The following PROM1 variants were observed in gnomAD, a reference collection of about 807,000 sequenced individuals.
The protein encoded by PROM1 is prominin-1.
In PROM1, 105 loss-of-function variants were observed where a neutral mutation model predicts 116.9. The ratio of observed to expected loss-of-function variants is 0.90; its 90% confidence interval spans 0.77 to 1.06. The LOEUF (loss-of-function observed/expected upper bound fraction) is 1.06, where lower values mean the gene tolerates loss of function less well. PROM1 is among the 50% of genes least tolerant of loss of function. The pLI is 0.00. For synonymous variants in PROM1, 393 were observed against 387.0 expected (o/e 1.02, Z -0.18); for missense variants, 1,122 against 1,045.2 (o/e 1.07, Z -1.01).
intron 11 of PROM1, among the ~76,000 whole-genome samples, chr4:16,009,929 G>C (rs117717472): frequency 2.2e-5 from 2 of 91,466 alleles, no homozygotes; most frequent in East Asian, 3.2e-4. Flanking sequence ...AGCAAGACTC[G>C]CTCTCAAAAA....
At chr4:15,991,081 T>C (rs1295105165) in intron 18 of PROM1, 141 bp downstream of exon 18, 9 of 671,142 alleles carry the variant, frequency 1.3e-5, no homozygotes, top group Admixed American at 3.4e-5. Flanking sequence ...GACGGAAACG[T>C]AATGACACAC....
intron 3 of PROM1, 74 bp from the exon 4 acceptor site, chr4:16,035,835 G>T: frequency 1.4e-6 from 2 of 1,388,132 alleles, no homozygotes. Flanking sequence ...AAAAAGTTAT[G>T]AGTGATCAAC....
intron 8 of PROM1, 83 bp downstream of exon 8, chr4:16,023,243 G>C (rs1201722491): frequency 2.5e-5 from 31 of 1,254,844 alleles, no homozygotes; most frequent in Non-Finnish European, 3.3e-5. Context: ...AGCTCTCAGG[G>C]AACAAGAAAA....
intron 2 of PROM1, among the ~76,000 whole-genome samples, chr4:16,048,087 C>T (rs1041358191): frequency 6.6e-6 from 1 of 152,156 alleles, no homozygotes; most frequent in African/African-American, 2.4e-5. Context: ...ATACTTATCA[C>T]CTCCACCTTC....
rs1240048392 is a variant in PROM1, at chr4:16,075,801, A to G, written c.106T>C (p.Leu36=). Residue 36 remains leucine (L), a synonymous_variant, in exon 2 of 28, where the codon TTG becomes CTG. Coordinates refer to ENST00000447510, the MANE Select transcript of PROM1 (RefSeq NM_006017.3). ...TDAPKAWNYE[L]PATNYETQDS... is the part of the protein sequence containing the mutation. ...TGGGTCTCATAATTTGTTGCAGGCA[A>G]TTCATAATTCCAAGCCTTAGGAGCA... The G allele has an allele frequency of 6.2e-7, 1 of 1,613,728 alleles. No homozygotes were observed.
At chr4:15,987,632 C>T (rs767379937) in intron 20 of PROM1, 31 bp downstream of exon 20, 32 of 1,592,938 alleles carry the variant, frequency 2.0e-5, no homozygotes, top group African/African-American at 2.7e-5. Context: ...TATAACAAAA[C>T]CCCATGACAG....
chr4:16,071,990 G>T (rs542730510), intron 2 of PROM1, among the ~76,000 whole-genome samples: 1 of 152,230 alleles, frequency 6.6e-6, no homozygotes, highest in African/African-American at 2.4e-5. Flanking sequence ...TCTTCTTAAT[G>T]AGCCTAAGCC....
intron 8 of PROM1, among the ~76,000 whole-genome samples, chr4:16,018,771 G>A (rs1331455557): frequency 6.6e-6 from 1 of 152,142 alleles, no homozygotes; most frequent in Non-Finnish European, 1.5e-5. Flanking sequence ...ACAAGAAGCA[G>A]GGGGCAAGCA....
chr4:15,996,414 G>A (rs1722348201), intron 15 of PROM1, among the ~76,000 whole-genome samples: 1 of 152,244 alleles, frequency 6.6e-6, no homozygotes, highest in South Asian at 2.1e-4. Context: ...GGAGGCTGAG[G>A]CAGGAGAATC....
In PROM1 at chr4:16,022,786, A is replaced by G. The variant is rs189407907; in HGVS notation, c.784+540T>C. Reference sequence around the variant, plus strand: ...ATATCTGTCACTTATACCATTGACCATGGAGGCTTAAGATATATATGTATA... The same window carrying G: ...ATATCTGTCACTTATACCATTGACCGTGGAGGCTTAAGATATATATGTATA... On this transcript the variant is annotated intron_variant, in intron 8 of 27. Coordinates refer to ENST00000447510, the MANE Select transcript of PROM1 (RefSeq NM_006017.3). 3.3e-5 allele frequency among the ~76,000 whole-genome samples: 5 copies of G among 152,316 alleles called. No homozygotes were observed. The East Asian group carries it at 9.7e-4, about 29-fold the overall frequency.
chr4:16,018,370 T>C lies in PROM1; in HGVS notation c.955A>G (p.Ile319Val), dbSNP rs753266665. 1.2e-6 allele frequency: 2 copies of C among 1,613,720 alleles called. No homozygotes were observed. The highest frequency in any genetic ancestry group is 1.1e-5 in the South Asian group (1 of 91,060). Residue 319 changes from isoleucine to valine, a missense_variant, in exon 9 of 28, where the codon ATC becomes GTC. Coordinates refer to ENST00000447510, the MANE Select transcript of PROM1 (RefSeq NM_006017.3). ...VHPSSETCNS[I>V]RLSLSQLNSN... is the part of the protein sequence containing the mutation. Reference sequence around the variant, plus strand: ...TTCAGCTGGCTTAGAGACAATCTGATGCTGTTGCAGGTTTCACTTGATGGA... The same window carrying C: ...TTCAGCTGGCTTAGAGACAATCTGACGCTGTTGCAGGTTTCACTTGATGGA...
intron 15 of PROM1, among the ~76,000 whole-genome samples, chr4:15,997,100 T>C (rs1476893104): frequency 6.6e-6 from 1 of 151,784 alleles, no homozygotes; most frequent in African/African-American, 2.4e-5. Flanking sequence ...GAGCTGCCCA[T>C]GGGTTCACAC....
rs186122677 is a variant in PROM1, at chr4:16,052,538, G to A, written c.221-13537C>T. ...GTCACTCAGGCTGGAGTGCAGTGGT[G>A]TGATCTCGGCTCACTGCAGCCTTAA... On this transcript the variant is annotated intron_variant, in intron 2 of 27. Transcript: ENST00000447510. Among the ~76,000 whole-genome samples, 122 of 152,302 alleles carry A rather than the reference G, an allele frequency of 8.0e-4. 1 individual carries two copies. The highest frequency in any genetic ancestry group is 1.4e-3 in the Non-Finnish European group (92 of 68,024).
intron 23 of PROM1, 21 bp from the exon 24 acceptor site, chr4:15,980,558 G>A: frequency 3.0e-6 from 4 of 1,347,564 alleles, no homozygotes; most frequent in South Asian, 1.3e-5. Context: ...AAAATCAGAA[G>A]AATTAAATGT....
At chr4:16,051,960 T>C (rs1226364940) in intron 2 of PROM1, among the ~76,000 whole-genome samples, 2 of 152,166 alleles carry the variant, frequency 1.3e-5, no homozygotes, top group South Asian at 2.1e-4. Flanking sequence ...CTACATAAAG[T>C]TCTATATAAT....
intron 27 of PROM1, among the ~76,000 whole-genome samples, 174 bp downstream of exon 27, chr4:15,970,869 T>C (rs1195155094): frequency 6.6e-6 from 1 of 152,216 alleles, no homozygotes; most frequent in East Asian, 1.9e-4. Context: ...AATCGGTGGA[T>C]GTGGAACCTG....
In PROM1 at chr4:15,994,034, G is replaced by A. The variant is rs774863657; in HGVS notation, c.1720C>T (p.His574Tyr). 3.1e-6 allele frequency: 5 copies of A among 1,613,998 alleles called. No individual in the cohort carries two copies. Among genetic ancestry groups the A allele is most frequent in the Non-Finnish European group, 4.2e-6 (5 of 1,179,868 alleles). The stretch of plus-strand genomic sequence containing the variant: ...CTGATATTGAAGCTGTTCTGCAGGT[G>A]AAGAGTGCCGTAAGTGCCTCTATTT... Reference protein sequence around the residue: ...KKNRGTYGTLHLQNSFNISEH... With the variant: ...KKNRGTYGTLYLQNSFNISEH... Residue 574 changes from histidine to tyrosine, a missense_variant, in exon 16 of 28, where the codon CAC (histidine) becomes TAC (tyrosine). Transcript: ENST00000447510.
intron 2 of PROM1, among the ~76,000 whole-genome samples, chr4:16,049,293 G>A (rs1315363549): frequency 3.3e-5 from 5 of 152,184 alleles, no homozygotes; most frequent in African/African-American, 1.2e-4. Flanking sequence ...CACAAACGCT[G>A]CTGTGAGAAT....
Position 15,998,372 on chromosome 4 carries a change from C to A in PROM1, c.1682+13G>T. 6.4e-7 allele frequency: 1 copy of A among 1,574,766 alleles called. No individual in the cohort carries two copies. Among genetic ancestry groups the A allele is most frequent in the African/African-American group, 1.4e-5 (1 of 73,242 alleles). On this transcript the variant is annotated intron_variant, in intron 15 of 27. Coordinates refer to ENST00000447510, the MANE Select transcript of PROM1 (RefSeq NM_006017.3). ...ATCTTAAATAGCGAAATGTATAATG[C>A]AAATATTGATACCTGTAAACTTGTT...
Sources: allele counts gnomAD v4.1 joint callset (sites outside exome capture counted in the v4.1 genomes callset), GRCh38; gene constraint gnomAD v4.1.1; transcripts MANE v1.5; gene names NCBI Gene and HGNC (gene_info 2026-07-23, HGNC 2026-07-21).